SKAP2: variants seen among roughly 807,000 people sequenced by gnomAD.
SKAP2 encodes src kinase-associated phosphoprotein 2.
A neutral mutation model predicts 54.9 loss-of-function variants in SKAP2; 28 were observed. The ratio of observed to expected loss-of-function variants is 0.51; its 90% CI spans 0.38 to 0.70. The LOEUF (loss-of-function observed/expected upper bound fraction) is 0.70. Among genes scored for constraint, SKAP2 ranks in the 30% least tolerant of loss-of-function variants. The pLI is 0.00. For synonymous variants in SKAP2, 137 were observed against 134.3 expected, an observed-to-expected ratio of 1.02 and a Z score of -0.14; for missense variants, 356 against 424.1, an observed-to-expected ratio of 0.84 and a Z score of 1.41.
At position 26,787,809 on chromosome 7, in the gene SKAP2, C is replaced by T. The variant is rs147530918; in HGVS notation, c.308-47845G>A. On this transcript the variant is annotated intron_variant, in intron 4 of 12. Coordinates refer to ENST00000345317, the MANE Select transcript of SKAP2 (RefSeq NM_003930.5). ...AGCCATGAGGGATCTGCCCGCATGA[C>T]CCAAACACCTCCCATCAGGCCCCAC... 2.8e-3 allele frequency among the ~76,000 whole-genome samples: 426 copies of T among 152,246 alleles called. 4 individuals are homozygous for T. The highest frequency in any genetic ancestry group is 4.4e-3 in the Non-Finnish European group (296 of 68,020).
intron 4 of SKAP2, among the ~76,000 whole-genome samples, chr7:26,779,092 GTAATAACTGTTCT>G (rs535207463): frequency 6.6e-6 from 1 of 152,084 alleles, no homozygotes; most frequent in South Asian, 2.1e-4. Flanking sequence ...TCATAAAACA[GTAATAACTGTTCT>G]TAATTTGTGA....
chr7:26,659,958 G>A, the SKAP2 span, among the ~76,000 whole-genome samples: 1 of 152,088 alleles, frequency 6.6e-6, no homozygotes, highest in African/African-American at 2.4e-5. Flanking sequence ...AGAGTTTAGG[G>A]CGGCTCTTGC....
chr7:26,840,729 G>A (rs1784802560), intron 4 of SKAP2, among the ~76,000 whole-genome samples: 1 of 151,760 alleles, frequency 6.6e-6, no homozygotes, highest in Admixed American at 6.6e-5. Context: ...CAAGCATAAA[G>A]CTAATAAAAT....
chr7:26,726,273 T>C (rs1787706353), intron 7 of SKAP2, among the ~76,000 whole-genome samples: 1 of 152,122 alleles, frequency 6.6e-6, no homozygotes, highest in South Asian at 2.1e-4. Context: ...AATTTGCCCT[T>C]GACAATTAGA....
At chr7:26,704,511 T>C (rs962825155) in intron 9 of SKAP2, among the ~76,000 whole-genome samples, 3 of 152,200 alleles carry the variant, frequency 2.0e-5, no homozygotes, top group Non-Finnish European at 4.4e-5. Context: ...ACTCTCAAAA[T>C]ATGAATTTCC....
intron 4 of SKAP2, among the ~76,000 whole-genome samples, chr7:26,743,468 T>C (rs1332659924): frequency 1.3e-5 from 2 of 152,130 alleles, no homozygotes; most frequent in South Asian, 2.1e-4. Context: ...AAGATTTCCC[T>C]TTACTTAAAT....
intron 4 of SKAP2, among the ~76,000 whole-genome samples, chr7:26,769,421 G>T (rs548286982): frequency 6.6e-6 from 1 of 152,276 alleles, no homozygotes; most frequent in East Asian, 1.9e-4. Flanking sequence ...GGTTGGAGGA[G>T]TTTGTTATTA....
intron 4 of SKAP2, among the ~76,000 whole-genome samples, chr7:26,742,076 T>A (rs116300274): frequency 6.6e-6 from 1 of 152,140 alleles, no homozygotes; most frequent in Non-Finnish European, 1.5e-5. Flanking sequence ...TTTTTCAAAA[T>A]AAACTTGGTA....
chr7:26,838,347 T>C (rs950965992), intron 4 of SKAP2, among the ~76,000 whole-genome samples: 4 of 152,140 alleles, frequency 2.6e-5, no homozygotes, highest in Non-Finnish European at 4.4e-5. Flanking sequence ...ATCTTCCCCA[T>C]GCAGATCACC....
intron 9 of SKAP2, among the ~76,000 whole-genome samples, chr7:26,697,182 G>A (rs1465112997): frequency 1.3e-5 from 2 of 152,126 alleles, no homozygotes; most frequent in Non-Finnish European, 2.9e-5. Flanking sequence ...CTTGCACACT[G>A]TACCCTTCTC....
At chr7:26,719,990 T>C (rs1584350457) in intron 9 of SKAP2, among the ~76,000 whole-genome samples, 1 of 150,948 alleles carries the variant, frequency 6.6e-6, no homozygotes, top group East Asian at 1.9e-4. Context: ...GTTGTGGGGG[T>C]TGCCCTGTGC....
At chr7:26,749,845 T>C (rs1236997043) in intron 4 of SKAP2, among the ~76,000 whole-genome samples, 4 of 151,680 alleles carry the variant, frequency 2.6e-5, no homozygotes, top group Admixed American at 2.6e-4. Flanking sequence ...CTGTTTCTAT[T>C]ATCTCCATAC....
chr7:26,811,253 A>G (rs1323110390), intron 4 of SKAP2, among the ~76,000 whole-genome samples: 2 of 152,144 alleles, frequency 1.3e-5, no homozygotes, highest in South Asian at 4.1e-4. Context: ...CAAATCACCT[A>G]ATCTCTCTGG....
At chr7:26,678,484 A>C (rs1249474717) in intron 11 of SKAP2, among the ~76,000 whole-genome samples, 1 of 144,392 alleles carries the variant, frequency 6.9e-6, no homozygotes, top group Non-Finnish European at 1.5e-5. Context: ...CTCTGTCACC[A>C]GGCTGGAGTG....
At chr7:26,719,661 C>A (rs1787535307) in intron 9 of SKAP2, among the ~76,000 whole-genome samples, 1 of 152,170 alleles carries the variant, frequency 6.6e-6, no homozygotes, top group Non-Finnish European at 1.5e-5. Context: ...GAAAATGCTT[C>A]CTTCATTTTT....
intron 4 of SKAP2, among the ~76,000 whole-genome samples, chr7:26,792,377 A>G (rs1783688903): frequency 6.6e-6 from 1 of 152,234 alleles, no homozygotes; most frequent in African/African-American, 2.4e-5. Context: ...TGATCTAAAA[A>G]CAAAAAGGAC....
chr7:26,804,848 TA>T (rs1208637901), intron 4 of SKAP2, among the ~76,000 whole-genome samples: 1 of 151,780 alleles, frequency 6.6e-6, no homozygotes, highest in Non-Finnish European at 1.5e-5. Context: ...CATCAACTAG[TA>T]AAAAGAAAAG....
chr7:26,722,730 G>A (rs1787605371), intron 9 of SKAP2, among the ~76,000 whole-genome samples: 1 of 151,742 alleles, frequency 6.6e-6, no homozygotes, highest in Admixed American at 6.6e-5. Context: ...TTAAAACCAC[G>A]TTTTCTTCTT....
intron 4 of SKAP2, among the ~76,000 whole-genome samples, chr7:26,742,718 T>C (rs1189733944): frequency 6.6e-6 from 1 of 150,432 alleles, no homozygotes; most frequent in Non-Finnish European, 1.5e-5. Flanking sequence ...AATAGCCATA[T>C]GAATTCTTTA....
Sources: allele counts gnomAD v4.1 joint callset (sites outside exome capture counted in the v4.1 genomes callset), GRCh38; gene constraint gnomAD v4.1.1; transcripts MANE v1.5; gene names NCBI Gene and HGNC (gene_info 2026-07-23, HGNC 2026-07-21).